Variants in DNER observed in about 807,000 individuals in gnomAD.
DNER encodes delta and Notch-like epidermal growth factor-related receptor.
A neutral mutation model predicts 78.2 loss-of-function variants in DNER; 33 were observed. The observed-to-expected ratio is 0.42, with a 90% confidence interval of 0.32 to 0.56. The LOEUF (loss-of-function observed/expected upper bound fraction) is 0.56, where lower values mean the gene tolerates loss of function less well. Ranked by LOEUF, DNER falls within the 20% of genes least tolerant of loss-of-function variation. DNER has a pLI of 0.11. For synonymous variants in DNER, 417 were observed against 384.8 expected, an observed-to-expected ratio of 1.08 and a Z score of -0.98; for missense variants, 918 against 975.3, an observed-to-expected ratio of 0.94 and a Z score of 0.78.
Position 229,493,462 on chromosome 2 carries a change from T to C in DNER, c.1148-16209A>G, listed in dbSNP as rs566384896. 8.5e-5 allele frequency among the ~76,000 whole-genome samples: 13 copies of C among 152,288 alleles called. No homozygotes were observed. In the East Asian group the frequency reaches 2.5e-3, roughly 29 times the overall value. On this transcript the variant is annotated intron_variant, in intron 6 of 12. Transcript: ENST00000341772. ...AATCAGCCATTGTGTGTTTACTATG[T>C]ACAAGGCACAGGGCTTGGCACTGAC...
chr2:229,681,580 C>A (rs956760341), intron 1 of DNER, among the ~76,000 whole-genome samples: 13 of 152,122 alleles, frequency 8.5e-5, no homozygotes, highest in African/African-American at 2.9e-4. Flanking sequence ...AAAACACCAA[C>A]ATTTTTTCAG....
intron 8 of DNER, among the ~76,000 whole-genome samples, chr2:229,432,773 G>C (rs1171184425): frequency 1.3e-5 from 2 of 152,114 alleles, no homozygotes; most frequent in Non-Finnish European, 2.9e-5. Flanking sequence ...CCTCTAACAT[G>C]GTTCTGATGA....
rs73998278 is a variant in DNER at position 229,570,935 on chromosome 2, T to C, written c.847+14923A>G. Among the ~76,000 whole-genome samples the C allele has an allele frequency of 3.6e-3, 544 of 152,212 alleles. 2 individuals are homozygous for C. The highest frequency in any genetic ancestry group is 0.013 in the African/African-American group (528 of 41,538). Reference sequence around the variant, plus strand: ...GGGCAGACATGGAAGATTTTGTCTGTGTTTAAGTCTTGGCTTCTGCTCTGA... The same window carrying C: ...GGGCAGACATGGAAGATTTTGTCTGCGTTTAAGTCTTGGCTTCTGCTCTGA... On this transcript the variant is annotated intron_variant, in intron 4 of 12. Transcript: ENST00000341772.
intron 5 of DNER, among the ~76,000 whole-genome samples, chr2:229,517,767 T>C (rs1696009301): frequency 6.6e-6 from 1 of 152,210 alleles, no homozygotes; most frequent in Non-Finnish European, 1.5e-5. Flanking sequence ...GCTACTAGCC[T>C]CTGGCGGATA....
chr2:229,521,795 GA>G (rs1355744891), intron 5 of DNER, among the ~76,000 whole-genome samples: 2 of 152,140 alleles, frequency 1.3e-5, no homozygotes, highest in Admixed American at 6.5e-5. Context: ...CCTAGCCACA[GA>G]GACAAACTGT....
intron 4 of DNER, among the ~76,000 whole-genome samples, chr2:229,556,862 T>G (rs1696864208): frequency 6.6e-6 from 1 of 152,212 alleles, no homozygotes; most frequent in Non-Finnish European, 1.5e-5. Flanking sequence ...AGGACAAGCA[T>G]GTTATTTGCA....
chr2:229,378,247 C>T (rs140078574), intron 11 of DNER, among the ~76,000 whole-genome samples: 2,045 of 152,228 alleles, frequency 0.013, 20 homozygotes, highest in Non-Finnish European at 0.02. Context: ...AGAACTGTAA[C>T]GTGATAGATC....
At chr2:229,555,851 T>C (rs959514115) in intron 4 of DNER, among the ~76,000 whole-genome samples, 3 of 152,074 alleles carry the variant, frequency 2.0e-5, no homozygotes, top group African/African-American at 7.2e-5. Flanking sequence ...CCTGCTAGAA[T>C]GTTGGGATGC....
intron 6 of DNER, among the ~76,000 whole-genome samples, chr2:229,478,758 C>T (rs75353413): frequency 0.13 from 20,521 of 152,144 alleles, 1,462 homozygotes; most frequent in South Asian, 0.2. Flanking sequence ...TCCATACTCA[C>T]GTAACCTTAT....
At chr2:229,713,578 G>A (rs1699941869) in intron 1 of DNER, among the ~76,000 whole-genome samples, 1 of 152,252 alleles carries the variant, frequency 6.6e-6, no homozygotes, top group Admixed American at 6.5e-5. Context: ...CAGGCCGAGG[G>A]GAGGCAGCTG....
chr2:229,530,677 A>G (rs1230823114), intron 5 of DNER, among the ~76,000 whole-genome samples: 1 of 152,204 alleles, frequency 6.6e-6, no homozygotes, highest in Admixed American at 6.5e-5. Flanking sequence ...CAGTTTCTCT[A>G]TCCCTTATTG....
chr2:229,644,594 G>A (rs538724492), intron 1 of DNER, among the ~76,000 whole-genome samples: 1 of 152,144 alleles, frequency 6.6e-6, no homozygotes, highest in Admixed American at 6.6e-5. Flanking sequence ...TGATCTGCCC[G>A]CCTCAGCCTC....
intron 1 of DNER, among the ~76,000 whole-genome samples, chr2:229,634,390 G>C (rs974252212): frequency 6.6e-6 from 1 of 151,938 alleles, no homozygotes; most frequent in Non-Finnish European, 1.5e-5. Context: ...CTGTACTCTC[G>C]CCACACTACT....
chr2:229,639,193 G>GA (rs1329101538), intron 1 of DNER, among the ~76,000 whole-genome samples: 14 of 152,202 alleles, frequency 9.2e-5, no homozygotes, highest in African/African-American at 3.4e-4. Context: ...TTAGAAATGA[G>GA]AAAATAGGGT....
intron 1 of DNER, among the ~76,000 whole-genome samples, chr2:229,657,647 T>C (rs1467705180): frequency 1.3e-5 from 2 of 152,236 alleles, no homozygotes; most frequent in African/African-American, 4.8e-5. Context: ...CCATACGATG[T>C]GACAAGAAGA....
intron 1 of DNER, 144 bp downstream of exon 1, chr2:229,714,004 C>T (rs1699951461): frequency 1.1e-6 from 1 of 897,100 alleles, no homozygotes; most frequent in African/African-American, 1.7e-5. Context: ...TCCACGCGGG[C>T]CAAGAGACTG....
At chr2:229,632,932 C>T (rs1017392496) in intron 1 of DNER, among the ~76,000 whole-genome samples, 1 of 152,088 alleles carries the variant, frequency 6.6e-6, no homozygotes, top group African/African-American at 2.4e-5. Context: ...AAAAGATAGC[C>T]GCTTTCCCTA....
At chr2:229,510,150 G>C (rs1037479857) in intron 6 of DNER, among the ~76,000 whole-genome samples, 2 of 149,306 alleles carry the variant, frequency 1.3e-5, no homozygotes, top group Non-Finnish European at 3.0e-5. Flanking sequence ...AAAGGTGGCT[G>C]AAACCAGGGC....
chr2:229,373,774 A>G (rs1478239650), intron 11 of DNER, among the ~76,000 whole-genome samples: 1 of 152,228 alleles, frequency 6.6e-6, no homozygotes, highest in African/African-American at 2.4e-5. Flanking sequence ...AAAGAGTGAA[A>G]TCATGTCATT....
Sources: gnomAD v4.1 joint callset for allele counts (sites outside exome capture counted in the v4.1 genomes callset) on GRCh38, gnomAD v4.1.1 for gene constraint, MANE v1.5 for transcripts, NCBI Gene and HGNC (gene_info 2026-07-23, HGNC 2026-07-21) for gene names.